GANC: variants seen among roughly 807,000 people sequenced by gnomAD.
GANC encodes neutral alpha-glucosidase C.
Under a neutral mutation model 124.2 loss-of-function variants are expected in GANC, and 117 were observed. That is an observed-to-expected ratio of 0.94 (90% CI 0.81 to 1.10). The LOEUF (loss-of-function observed/expected upper bound fraction) is 1.10. Ranked by LOEUF, GANC falls within the 50% of genes least tolerant of loss-of-function variation. GANC has a pLI of 0.00. For synonymous variants in GANC, 377 were observed against 376.8 expected (o/e 1.00, Z -0.01); for missense variants, 1,140 against 1,095.0 (o/e 1.04, Z -0.58).
rs1433515978 is a variant in GANC at position 42,330,685 on chromosome 15, T to A, written c.1741+13T>A. The A allele has an allele frequency of 1.6e-5, 25 of 1,580,124 alleles. No homozygotes were observed. Among genetic ancestry groups the A allele is most frequent in the Non-Finnish European group, 2.0e-5 (23 of 1,159,454 alleles). On this transcript the variant is annotated intron_variant, in intron 15 of 23. Transcript: ENST00000318010. ...TCACAAAAGTATGGTAAGGAATGGC[T>A]CATATCAGACTTAAAAACACATTAG...
At position 42,339,732 on chromosome 15, in the gene GANC, G is replaced by A; in HGVS notation, c.1907G>A (p.Gly636Glu). 6.2e-7 allele frequency: 1 copy of A among 1,614,148 alleles called. No individual in the cohort carries two copies. Among genetic ancestry groups the A allele is most frequent in the Non-Finnish European group, 8.5e-7 (1 of 1,180,006 alleles). ...CTGCTAGTGCGTTGGTACCAGGCTG[G>A]AGCCTACCAGCCCTTCTTCCGTGGC... ...TELLVRWYQA[G>E]AYQPFFRGHA... The change falls in exon 17 of 24, where the codon GGA becomes GAA. Residue 636 changes from glycine (G) to glutamate (E), a missense_variant. Coordinates refer to ENST00000318010, the MANE Select transcript of GANC (RefSeq NM_198141.3).
rs751406490 is a variant in GANC at position 42,348,172 on chromosome 15, A to G, written c.2374A>G (p.Met792Val). ...AACTGTAGGAAAATCCACAGGCTGG[A>G]TGACTGAATCCTCCTATGGACTCCG... ...KTTVGKSTGW[M>V]TESSYGLRVA... Residue 792 changes from methionine (M) to valine (V), a missense_variant, in exon 21 of 24, where the codon ATG (methionine) becomes GTG (valine). Met to Val is a conservative substitution (Grantham distance 21). Transcript: ENST00000318010. 1.1e-5 allele frequency: 18 copies of G among 1,612,772 alleles called. No individual in the cohort carries two copies. The highest frequency in any genetic ancestry group is 5.9e-6 in the Non-Finnish European group (7 of 1,179,598).
In GANC at chr15:42,348,146, C is replaced by T. The variant is rs200993197; in HGVS notation, c.2348C>T (p.Thr783Ile). The T allele has an allele frequency of 1.9e-6, 3 of 1,612,946 alleles. No homozygotes were observed. Among genetic ancestry groups the T allele is most frequent in the Non-Finnish European group, 2.5e-6 (3 of 1,179,560 alleles). ...GGTGGAAGTGTGATACCAATAAAGACAACTGTAGGAAAATCCACAGGCTGG... is the reference window on the plus strand; with the variant it reads ...GGTGGAAGTGTGATACCAATAAAGATAACTGTAGGAAAATCCACAGGCTGG... Reference protein sequence around the residue: ...QRGGSVIPIKTTVGKSTGWMT... With the variant: ...QRGGSVIPIKITVGKSTGWMT... The change falls in exon 21 of 24, where the codon ACA (threonine) becomes ATA (isoleucine). Residue 783 changes from threonine to isoleucine, a missense_variant. Coordinates refer to ENST00000318010, the MANE Select transcript of GANC (RefSeq NM_198141.3).
At chr15:42,294,953 G>C (rs986292688) in intron 5 of GANC, among the ~76,000 whole-genome samples, 2 of 147,654 alleles carry the variant, frequency 1.4e-5, no homozygotes, top group African/African-American at 5.1e-5. Flanking sequence ...TTGTTGATCA[G>C]ATGGTTTGTG....
intron 8 of GANC, 98 bp from the exon 9 acceptor site, chr15:42,310,185 T>C: frequency 1.1e-6 from 1 of 892,690 alleles, no homozygotes; most frequent in East Asian, 2.8e-5. Flanking sequence ...CAAAGATGCG[T>C]GGGACCTAAG....
intron 15 of GANC, among the ~76,000 whole-genome samples, chr15:42,336,035 A>G (rs2052280349): frequency 6.6e-6 from 1 of 152,132 alleles, no homozygotes; most frequent in Admixed American, 6.5e-5. Context: ...TGAAATGGCC[A>G]TACTGCCCAA....
intron 18 of GANC, among the ~76,000 whole-genome samples, chr15:42,341,893 C>T (rs1341333860): frequency 6.6e-6 from 1 of 152,082 alleles, no homozygotes; most frequent in Non-Finnish European, 1.5e-5. Flanking sequence ...AGTCTCCACT[C>T]ATCATTAGGT....
At chr15:42,326,846 CTA>C (rs1414174676) in intron 12 of GANC, among the ~76,000 whole-genome samples, 1 of 152,148 alleles carries the variant, frequency 6.6e-6, no homozygotes, top group Non-Finnish European at 1.5e-5. Flanking sequence ...ACCCTGATGA[CTA>C]TGGATTCTTC....
chr15:42,285,120 A>G (rs2051774749), intron 3 of GANC, among the ~76,000 whole-genome samples: 1 of 152,234 alleles, frequency 6.6e-6, no homozygotes, highest in Admixed American at 6.5e-5. Context: ...AATATCTACA[A>G]ATGTTTACTG....
At chr15:42,301,335 A>G (rs1156237013) in intron 6 of GANC, among the ~76,000 whole-genome samples, 2 of 152,082 alleles carry the variant, frequency 1.3e-5, no homozygotes, top group South Asian at 2.1e-4. Flanking sequence ...TGGCCCAGAT[A>G]CTACACTTCT....
Position 42,273,917 on chromosome 15 carries a change from A to G in GANC, c.-565A>G, listed in dbSNP as rs78231863. The G allele has an allele frequency of 0.017, 3,195 of 191,782 alleles. 30 individuals carry two copies. Among genetic ancestry groups the G allele is most frequent in the Non-Finnish European group, 0.025 (2,328 of 91,524 alleles). The allele number at this position is 191,782 out of a possible 1,614,324, so 11.9% of individuals were successfully genotyped here. A position where few individuals can be genotyped will look rare whatever the true frequency, so the allele number is the denominator to read the frequency against. On this transcript the variant is annotated 5_prime_UTR_variant, in exon 1 of 24. Transcript: ENST00000318010. Reference sequence around the variant, plus strand: ...CGCGATTCCTAGACTGGGTAGTGTAACAACCTTCAAAGGCCCCTTCTAGCC... The same window carrying G: ...CGCGATTCCTAGACTGGGTAGTGTAGCAACCTTCAAAGGCCCCTTCTAGCC...
intron 3 of GANC, among the ~76,000 whole-genome samples, chr15:42,281,695 A>G (rs1181670853): frequency 6.6e-6 from 1 of 152,174 alleles, no homozygotes; most frequent in Non-Finnish European, 1.5e-5. Flanking sequence ...AAATTGACCT[A>G]AAACATGACA....
rs575167424 is a variant in GANC, at chr15:42,327,772, T to G, written c.1500+330T>G. ...GTGTTCCATAACTGTTATTTAAATA[T>G]GATGATACATGTGAAAATATCTTAC... On this transcript the variant is annotated intron_variant, in intron 13 of 23. Transcript: ENST00000318010. Among the ~76,000 whole-genome samples the G allele has an allele frequency of 1.0e-3, 159 of 152,354 alleles. 1 individual carries two copies. The highest frequency in any genetic ancestry group is 3.5e-3 in the African/African-American group (146 of 41,588).
chr15:42,281,941 C>A (rs537813963), intron 3 of GANC, among the ~76,000 whole-genome samples: 24 of 152,170 alleles, frequency 1.6e-4, no homozygotes, highest in Non-Finnish European at 2.6e-4. Context: ...AATCCCAGCA[C>A]TTTGGGAGGC....
Position 42,329,306 on chromosome 15 carries a change from G to A in GANC, c.1501G>A (p.Gly501Arg). Reference protein sequence around the residue: ...SSLFAFPVYQGSTDILFLWND... With the variant: ...SSLFAFPVYQRSTDILFLWND... ...GTCATGACCAAGGTTTACTTCCTAG[G>A]GATCTACGGACATCCTCTTCCTTTG... The change falls in exon 14 of 24, where the codon GGA becomes AGA. Residue 501 changes from glycine to arginine, a missense_variant and splice_region_variant. Coordinates refer to ENST00000318010, the MANE Select transcript of GANC (RefSeq NM_198141.3). 1 of 1,611,870 alleles carries A rather than the reference G, an allele frequency of 6.2e-7. No individual in the cohort carries two copies. Among genetic ancestry groups the A allele is most frequent in the Non-Finnish European group, 8.5e-7 (1 of 1,179,128 alleles).
chr15:42,305,534 G>A (rs4494503), intron 6 of GANC, among the ~76,000 whole-genome samples: 150,120 of 152,350 alleles, frequency 0.99, 73,994 homozygotes, highest in East Asian at 1. Context: ...GTGGAAGACT[G>A]TGGTGATTCC....
intron 10 of GANC, 96 bp downstream of exon 10, chr15:42,310,942 G>A: frequency 7.4e-7 from 1 of 1,345,818 alleles, no homozygotes; most frequent in Admixed American, 1.9e-5. Context: ...ATACTATGTA[G>A]AGTTTATAAC....
At chr15:42,327,164 A>G (rs1229945745) in intron 12 of GANC, among the ~76,000 whole-genome samples, 199 bp from the exon 13 acceptor site, 2 of 152,172 alleles carry the variant, frequency 1.3e-5, no homozygotes, top group Non-Finnish European at 2.9e-5. Context: ...GGCTTCTGGT[A>G]TTGAAAGATC....
chr15:42,316,441 G>A (rs994516039), intron 10 of GANC, among the ~76,000 whole-genome samples: 8 of 152,170 alleles, frequency 5.3e-5, no homozygotes, highest in Non-Finnish European at 1.0e-4. Flanking sequence ...AGCAAGTCAC[G>A]TGATCATGGG....
Sources: allele counts gnomAD v4.1 joint callset (sites outside exome capture counted in the v4.1 genomes callset), GRCh38; gene constraint gnomAD v4.1.1; transcripts MANE v1.5; gene names NCBI Gene and HGNC (gene_info 2026-07-23, HGNC 2026-07-21).